Variants in MAP3K15 observed in about 807,000 individuals in gnomAD.
The protein encoded by MAP3K15 is MAPK/ERK kinase kinase 15.
A neutral mutation model predicts 99.5 loss-of-function variants in MAP3K15; 124 were observed. The observed-to-expected ratio is 1.25, with a 90% CI of 1.08 to 1.45. The LOEUF is 1.45. Among genes scored for constraint, MAP3K15 ranks in the 40% most tolerant of loss-of-function variants. The pLI, the probability that MAP3K15 is intolerant of heterozygous loss-of-function variation, is 0.00. For synonymous variants in MAP3K15, 494 were observed against 439.6 expected, an observed-to-expected ratio of 1.12 and a Z score of -1.55; for missense variants, 1,242 against 1,079.7, an observed-to-expected ratio of 1.15 and a Z score of -2.11.
intron 13 of MAP3K15, among the ~76,000 whole-genome samples, chrX:19,402,955 C>T (rs769469321): frequency 7.2e-5 from 8 of 111,819 alleles, no homozygotes; most frequent in Admixed American, 9.5e-5. Flanking sequence ...TGTGGGCCAC[C>T]GTGCCCAGCT....
intron 3 of MAP3K15, among the ~76,000 whole-genome samples, chrX:19,472,004 C>T (rs955137883): frequency 9.0e-6 from 1 of 111,100 alleles, no homozygotes; most frequent in Non-Finnish European, 1.9e-5. Context: ...GGGTGGATCA[C>T]GAGGCCAGGA....
At chrX:19,377,367 G>A (rs1049224069) in intron 19 of MAP3K15, among the ~76,000 whole-genome samples, 23 of 111,540 alleles carry the variant, frequency 2.1e-4, no homozygotes, top group African/African-American at 7.5e-4. Flanking sequence ...CCAACATGGT[G>A]AAACCCCATC....
intron 1 of MAP3K15, among the ~76,000 whole-genome samples, chrX:19,500,819 G>C (rs2147422570): frequency 8.9e-6 from 1 of 112,087 alleles, no homozygotes; most frequent in South Asian, 3.7e-4. Context: ...AACTACGTTT[G>C]GAAGTTCACT....
chrX:19,382,244 CAAAAAAAAAAAA>C (rs1047109372), intron 18 of MAP3K15, among the ~76,000 whole-genome samples: 7 of 31,569 alleles, frequency 2.2e-4, no homozygotes, highest in East Asian at 1.1e-3. Context: ...ACTCAGTCTC[CAAAAAAAAAAAA>C]AAAAAAAAAA....
chrX:19,366,439 C>A (rs1455584611), intron 25 of MAP3K15, among the ~76,000 whole-genome samples: 1 of 111,587 alleles, frequency 9.0e-6, no homozygotes, highest in Non-Finnish European at 1.9e-5. Context: ...GTGTCCCCAC[C>A]CAAATCTCAT....
intron 6 of MAP3K15, among the ~76,000 whole-genome samples, chrX:19,438,488 C>T (rs1025985745): frequency 5.4e-5 from 6 of 111,877 alleles, no homozygotes; most frequent in African/African-American, 1.9e-4. Context: ...ATTTTCACAC[C>T]ATTTATTACC....
Position 19,442,694 on chromosome X carries a change from T to TTTATTA in MAP3K15, c.996-11092_996-11087dup, listed in dbSNP as rs769205663. ...ATGTATTACCATGCCTGGCTTTTAT[T>TTTATTA]TTATTATTATTATTATTATTATCAT... On this transcript the variant is annotated intron_variant, in intron 6 of 28. Transcript: ENST00000338883. Among the ~76,000 whole-genome samples, 288 of 101,277 alleles carry TTTATTA rather than the reference T, an allele frequency of 2.8e-3. 3 individuals are homozygous for TTTATTA. The highest frequency in any genetic ancestry group is 0.027 in the Admixed American group (252 of 9,176). 87.9% of individuals were successfully genotyped at this position (101,277 alleles called of 115,157 possible). A position where few individuals can be genotyped will look rare whatever the true frequency, so the allele number is the denominator to read the frequency against.
rs2063424892 is a variant in MAP3K15 at position 19,377,246 on chromosome X, C to T, written c.2590-2586G>A. ...GACTTCATATGCCATCCAAAAAAGTCAGTACATTTTCAAACCCTTCATACA... is the reference window on the plus strand; with the variant it reads ...GACTTCATATGCCATCCAAAAAAGTTAGTACATTTTCAAACCCTTCATACA... On this transcript the variant is annotated intron_variant, in intron 19 of 28. Transcript: ENST00000338883. Among the ~76,000 whole-genome samples, 3 of 112,690 alleles carry T rather than the reference C, an allele frequency of 2.7e-5. No homozygotes were observed. In the South Asian group the frequency reaches 1.1e-3, roughly 41 times the overall value.
At chrX:19,430,610 C>T (rs187533780) in intron 7 of MAP3K15, among the ~76,000 whole-genome samples, 2 of 111,384 alleles carry the variant, frequency 1.8e-5, no homozygotes, top group East Asian at 5.6e-4. Context: ...AATGCATGTC[C>T]AATCTTGTCA....
chrX:19,388,908 A>C (rs976348954), intron 18 of MAP3K15, among the ~76,000 whole-genome samples: 1 of 112,205 alleles, frequency 8.9e-6, no homozygotes, highest in African/African-American at 3.2e-5. Context: ...GTTAACTGGT[A>C]AACGGATGAA....
At chrX:19,488,770 G>A (rs1228681830) in intron 2 of MAP3K15, 58 bp downstream of exon 2, 1 of 1,101,471 alleles carries the variant, frequency 9.1e-7, no homozygotes, top group Non-Finnish European at 1.2e-6. Context: ...ATTTCAGCTA[G>A]ACATATAATT....
intron 3 of MAP3K15, among the ~76,000 whole-genome samples, chrX:19,470,739 A>T (rs2064203134): frequency 8.9e-6 from 1 of 111,973 alleles, no homozygotes; most frequent in South Asian, 3.7e-4. Flanking sequence ...AACAAAAAAT[A>T]CAAAACATGC....
chrX:19,436,344 C>T (rs145450043), intron 6 of MAP3K15, among the ~76,000 whole-genome samples: 40 of 110,343 alleles, frequency 3.6e-4, no homozygotes, highest in African/African-American at 1.1e-3. Context: ...ATTTGACAAC[C>T]GTGCACCCCT....
intron 6 of MAP3K15, among the ~76,000 whole-genome samples, chrX:19,452,833 T>C (rs1341577570): frequency 9.0e-6 from 1 of 111,327 alleles, no homozygotes; most frequent in Non-Finnish European, 1.9e-5. Context: ...TAAAACATTA[T>C]GAGGTTTTCT....
At chrX:19,376,664 T>G (rs1296115609) in intron 19 of MAP3K15, 1 of 110,676 alleles carries the variant, frequency 9.0e-6, no homozygotes, top group Non-Finnish European at 1.9e-5. Flanking sequence ...CGGGGGATCT[T>G]GAACTCCTGG....
At position 19,361,533 on chromosome X, in the gene MAP3K15, C is replaced by T; in HGVS notation, c.3740G>A (p.Trp1247Ter). 2 of 1,211,694 alleles carry T rather than the reference C, an allele frequency of 1.7e-6. No homozygotes were observed. The highest frequency in any genetic ancestry group is 1.8e-5 in the South Asian group (1 of 56,974). Residue 1247 changes from tryptophan to a stop codon, truncating the protein, a stop_gained, in exon 27 of 29, where the codon TGG (tryptophan) becomes TAG (stop). Transcript: ENST00000338883. LOFTEE classifies it high-confidence loss of function. ...GQRTDKELID[W>*]LRLQGADAKT... ...TGCATCAGCTCCTTGCAGCCGCAACCAGTCTATAAGCTCTTTATCTGTTCT... is the reference window on the plus strand; with the variant it reads ...TGCATCAGCTCCTTGCAGCCGCAACTAGTCTATAAGCTCTTTATCTGTTCT...
At chrX:19,478,247 T>G (rs2064266250) in intron 3 of MAP3K15, among the ~76,000 whole-genome samples, 1 of 84,213 alleles carries the variant, frequency 1.2e-5, no homozygotes, top group African/African-American at 5.2e-5. Context: ...GATTTTTACA[T>G]AATTCATGTT....
chrX:19,469,973 C>T (rs2064196256), intron 3 of MAP3K15, among the ~76,000 whole-genome samples: 1 of 110,455 alleles, frequency 9.1e-6, no homozygotes, highest in African/African-American at 3.3e-5. Flanking sequence ...CTAGTTCAAC[C>T]ATTGTGGAAG....
At chrX:19,514,782 GA>G in intron 1 of MAP3K15, 118 bp downstream of exon 1, 1 of 103,716 alleles carries the variant, frequency 9.6e-6, no homozygotes, top group Non-Finnish European at 1.6e-5. Flanking sequence ...GGACGAGGGG[GA>G]GGGGAGGGGG....
Sources: allele counts gnomAD v4.1 joint callset (sites outside exome capture counted in the v4.1 genomes callset), GRCh38; gene constraint gnomAD v4.1.1; transcripts MANE v1.5; gene names NCBI Gene and HGNC (gene_info 2026-07-23, HGNC 2026-07-21).